MGAT4C: variants seen among roughly 807,000 people sequenced by gnomAD.
The protein encoded by MGAT4C is alpha-1,3-mannosyl-glycoprotein 4-beta-N-acetylglucosaminyltransferase C.
Under a neutral mutation model 40.1 loss-of-function variants are expected in MGAT4C, and 19 were observed. The observed-to-expected ratio is 0.47, with a 90% CI of 0.33 to 0.70. MGAT4C has a LOEUF of 0.70. MGAT4C is among the 30% of genes least tolerant of loss of function. The probability of loss-of-function intolerance (pLI) is 0.02; values close to 1 mark genes in which losing one functional copy is unlikely to be tolerated. For synonymous variants in MGAT4C, 181 were observed against 187.1 expected, an observed-to-expected ratio of 0.97 and a Z score of 0.27; for missense variants, 491 against 563.2, an observed-to-expected ratio of 0.87 and a Z score of 1.30.
intron 1 of MGAT4C, among the ~76,000 whole-genome samples, chr12:86,151,201 A>G (rs201897406): frequency 6.6e-6 from 1 of 152,130 alleles, no homozygotes; most frequent in East Asian, 1.9e-4. Context: ...CCAAAGACAG[A>G]CCCTTCTTTG....
At chr12:86,183,930 T>A (rs978714597) in intron 1 of MGAT4C, among the ~76,000 whole-genome samples, 5 of 152,102 alleles carry the variant, frequency 3.3e-5, no homozygotes, top group African/African-American at 1.2e-4. Context: ...GGGACAAAAT[T>A]CCACATATAT....
intron 1 of MGAT4C, among the ~76,000 whole-genome samples, chr12:86,081,138 C>T (rs1002472130): frequency 6.6e-6 from 1 of 152,056 alleles, no homozygotes; most frequent in Non-Finnish European, 1.5e-5. Flanking sequence ...AGGAAACAAA[C>T]ATGGTTATTG....
intron 1 of MGAT4C, among the ~76,000 whole-genome samples, chr12:86,179,953 G>A (rs1887923639): frequency 6.6e-6 from 1 of 152,208 alleles, no homozygotes; most frequent in African/African-American, 2.4e-5. Flanking sequence ...TGGGGAAAAT[G>A]TCTCCAGGCC....
intron 1 of MGAT4C, among the ~76,000 whole-genome samples, chr12:86,232,914 G>A (rs768723288): frequency 7.2e-5 from 11 of 152,138 alleles, no homozygotes; most frequent in Non-Finnish European, 1.3e-4. Context: ...TTGATGTTAC[G>A]TGGAGAGAAA....
chr12:86,289,479 C>A (rs1316881727), intron 4 of MGAT4C, among the ~76,000 whole-genome samples: 2 of 151,832 alleles, frequency 1.3e-5, no homozygotes, highest in African/African-American at 4.8e-5. Flanking sequence ...AGTAATGAAT[C>A]TGTAAATTGC....
chr12:86,180,309 T>A (rs1003413211), intron 1 of MGAT4C, among the ~76,000 whole-genome samples: 5 of 152,202 alleles, frequency 3.3e-5, no homozygotes, highest in African/African-American at 4.8e-5. Context: ...GGGGCCCTCA[T>A]GGAGAACCTC....
Position 85,974,581 on chromosome 12 carries a change from T to C in MGAT4C, c.*4708A>G, listed in dbSNP as rs1883821833. The C allele has an allele frequency of 6.6e-6, 1 of 150,566 alleles. No homozygotes were observed. Among genetic ancestry groups the C allele is most frequent in the Non-Finnish European group, 1.5e-5 (1 of 67,002 alleles). The allele number at this position is 150,566 out of a possible 1,614,324, so 9.3% of individuals were successfully genotyped here. A position where few individuals can be genotyped will look rare whatever the true frequency, so the allele number is the denominator to read the frequency against. On this transcript the variant is annotated 3_prime_UTR_variant, in exon 5 of 5. Coordinates refer to ENST00000611864, the MANE Select transcript of MGAT4C (RefSeq NM_001351288.2). ...CACAGATTGAGAGATTAACCATATG[T>C]AGATACACACATGCACATATGCAAT... is the stretch of plus-strand genomic sequence containing the variant.
At chr12:86,276,279 A>G (rs1006436081) in intron 4 of MGAT4C, among the ~76,000 whole-genome samples, 1 of 152,102 alleles carries the variant, frequency 6.6e-6, no homozygotes, top group African/African-American at 2.4e-5. Flanking sequence ...CTATTTTTCA[A>G]TTTTTAATTT....
At chr12:86,661,278 T>A (rs1332771051) in intron 2 of MGAT4C, among the ~76,000 whole-genome samples, 1 of 151,314 alleles carries the variant, frequency 6.6e-6, no homozygotes, top group Non-Finnish European at 1.5e-5. Flanking sequence ...ATTTTCAAAG[T>A]AAAATAAAAA....
Position 85,961,336 on chromosome 12 carries a change from T to A in MGAT4C, c.*17953A>T, listed in dbSNP as rs1201767654. ...TGAGCTCAGAAAAAAATGCCTAACA[T>A]GAACATTTAAGCATCTTCTGTTTCT... On this transcript the variant is annotated 3_prime_UTR_variant, in exon 5 of 5. Transcript: ENST00000611864. 1 of 151,862 alleles carries A rather than the reference T, an allele frequency of 6.6e-6. No homozygotes were observed. The highest frequency in any genetic ancestry group is 1.5e-5 in the Non-Finnish European group (1 of 67,788). 9.4% of individuals were successfully genotyped at this position (151,862 alleles called of 1,614,324 possible). A position where few individuals can be genotyped will look rare whatever the true frequency, so the allele number is the denominator to read the frequency against.
chr12:86,113,438 T>A (rs1310091647), intron 1 of MGAT4C, among the ~76,000 whole-genome samples: 1 of 151,720 alleles, frequency 6.6e-6, no homozygotes, highest in Admixed American at 6.6e-5. Context: ...GGATTTTTTG[T>A]GTGGATGCTA....
At chr12:86,291,654 C>A (rs370082265) in intron 4 of MGAT4C, among the ~76,000 whole-genome samples, 1 of 151,996 alleles carries the variant, frequency 6.6e-6, no homozygotes, top group East Asian at 1.9e-4. Flanking sequence ...GATCCAGGGG[C>A]AGAATAAATG....
chr12:86,653,669 A>G (rs888950047), intron 2 of MGAT4C, among the ~76,000 whole-genome samples: 1 of 151,964 alleles, frequency 6.6e-6, no homozygotes, highest in African/African-American at 2.4e-5. Flanking sequence ...TTCTTGTATA[A>G]CAATAGTAAT....
chr12:86,201,365 TTTA>T (rs1432983493), intron 1 of MGAT4C, among the ~76,000 whole-genome samples: 2 of 151,612 alleles, frequency 1.3e-5, no homozygotes, highest in Non-Finnish European at 2.9e-5. Flanking sequence ...GTTCTACTTG[TTTA>T]TTATTATGTC....
At chr12:86,536,062 A>G (rs1959062590) in intron 2 of MGAT4C, among the ~76,000 whole-genome samples, 3 of 152,130 alleles carry the variant, frequency 2.0e-5, no homozygotes. Flanking sequence ...TACAATGCAT[A>G]TAAAATGCAA....
chr12:86,595,969 C>T (rs751341643), intron 2 of MGAT4C, among the ~76,000 whole-genome samples: 9 of 152,104 alleles, frequency 5.9e-5, no homozygotes, highest in African/African-American at 1.2e-4. Flanking sequence ...CTTCCCACCC[C>T]GTCCCCCCTT....
intron 4 of MGAT4C, among the ~76,000 whole-genome samples, chr12:86,295,712 C>T (rs906107831): frequency 6.6e-6 from 1 of 152,038 alleles, no homozygotes; most frequent in Admixed American, 6.5e-5. Context: ...ATTTACAATC[C>T]CTGAGCTAGA....
At chr12:86,461,273 CT>C (rs1180088832) in intron 2 of MGAT4C, among the ~76,000 whole-genome samples, 1 of 139,984 alleles carries the variant, frequency 7.1e-6, no homozygotes, top group Non-Finnish European at 1.5e-5. Context: ...GAGTCTCGCT[CT>C]GTCGCCCAGG....
rs747029520 is a variant in MGAT4C, at chr12:85,962,803, T to C, written c.*16486A>G. On this transcript the variant is annotated 3_prime_UTR_variant, in exon 5 of 5. Coordinates refer to ENST00000611864, the MANE Select transcript of MGAT4C (RefSeq NM_001351288.2). ...ATATTTTATCTGTTATAAAGACCTT[T>C]ATTTTTGTTCCACTCATTAAATAAC... 2 of 151,536 alleles carry C rather than the reference T, an allele frequency of 1.3e-5. No individual in the cohort carries two copies. Among genetic ancestry groups the C allele is most frequent in the Non-Finnish European group, 3.0e-5 (2 of 67,646 alleles). 9.4% of individuals were successfully genotyped at this position (151,536 alleles called of 1,614,324 possible).
Sources: allele counts gnomAD v4.1 joint callset (sites outside exome capture counted in the v4.1 genomes callset), GRCh38; gene constraint gnomAD v4.1.1; transcripts MANE v1.5; gene names NCBI Gene and HGNC (gene_info 2026-07-23, HGNC 2026-07-21).